The following KLHL20 variants were observed in gnomAD, a reference collection of about 807,000 sequenced individuals.
KLHL20 encodes kelch-like protein 20.
Under a neutral mutation model 69.5 loss-of-function variants are expected in KLHL20, and 29 were observed. The ratio of observed to expected loss-of-function variants is 0.42; its 90% confidence interval spans 0.31 to 0.57. The LOEUF is 0.57. KLHL20 is among the 20% of genes least tolerant of loss of function. The pLI is 0.18. For synonymous variants in KLHL20, 253 were observed against 265.2 expected, an observed-to-expected ratio of 0.95 and a Z score of 0.45; for missense variants, 419 against 776.0, an observed-to-expected ratio of 0.54 and a Z score of 5.47.
chr1:173,724,188 T>C (rs995963805), intron 2 of KLHL20, among the ~76,000 whole-genome samples: 13 of 151,642 alleles, frequency 8.6e-5, no homozygotes, highest in Non-Finnish European at 1.5e-4. Context: ...TTTTTTTTTT[T>C]TAGAGATGGG....
chr1:173,735,291 C>G (rs1048676460), intron 3 of KLHL20, among the ~76,000 whole-genome samples: 15 of 151,914 alleles, frequency 9.9e-5, no homozygotes, highest in East Asian at 3.9e-4. Flanking sequence ...ACAAAAAATA[C>G]AAAAATTAGT....
chr1:173,736,195 C>A (rs907806122), intron 3 of KLHL20, among the ~76,000 whole-genome samples: 3 of 152,048 alleles, frequency 2.0e-5, no homozygotes, highest in African/African-American at 7.3e-5. Context: ...GATCTGTGAT[C>A]TGCTTGCCTC....
In KLHL20 at chr1:173,716,066, G is replaced by A; in HGVS notation, c.23G>A (p.Arg8Lys). 6.2e-7 allele frequency: 1 copy of A among 1,613,522 alleles called. No homozygotes were observed. Among genetic ancestry groups the A allele is most frequent in the Non-Finnish European group, 8.5e-7 (1 of 1,179,656 alleles). MEGKPMR[R>K]CTNIRPGETG... The stretch of plus-strand genomic sequence containing the variant: ...TGCATGGAAGGAAAGCCAATGCGCA[G>A]GTAGGCATTTAGGAAGAAAACCTTT... The change falls in exon 2 of 12, where the codon AGG becomes AAG. Residue 8 changes from arginine to lysine, a missense_variant and splice_region_variant. Transcript: ENST00000209884.
chr1:173,751,968 T>C (rs1464366110), intron 4 of KLHL20, 46 bp downstream of exon 4: 2 of 1,577,398 alleles, frequency 1.3e-6, no homozygotes, highest in Non-Finnish European at 1.7e-6. Flanking sequence ...CCGGGCATGG[T>C]GGCTCATGAC....
intron 7 of KLHL20, among the ~76,000 whole-genome samples, chr1:173,758,506 G>A (rs543827412): frequency 1.2e-4 from 19 of 152,224 alleles, no homozygotes; most frequent in Admixed American, 8.5e-4. Context: ...TGAAGAAAGC[G>A]GACTGCTCCT....
intron 2 of KLHL20, among the ~76,000 whole-genome samples, chr1:173,727,788 G>A (rs1672050575): frequency 6.6e-6 from 1 of 152,150 alleles, no homozygotes; most frequent in African/African-American, 2.4e-5. Context: ...ACCAGCCACT[G>A]CAAAAACATG....
At chr1:173,728,469 C>A (rs1484313953) in intron 2 of KLHL20, among the ~76,000 whole-genome samples, 4 of 152,170 alleles carry the variant, frequency 2.6e-5, no homozygotes, top group Non-Finnish European at 5.9e-5. Context: ...CACACCCATT[C>A]CAAAACTGAC....
At chr1:173,742,518 CAG>C (rs1194209756) in intron 3 of KLHL20, among the ~76,000 whole-genome samples, 2 of 151,628 alleles carry the variant, frequency 1.3e-5, no homozygotes, top group African/African-American at 2.4e-5. Flanking sequence ...GCAATGGTAA[CAG>C]GGAATATTTA....
At chr1:173,773,942 G>C (rs908569646) in intron 8 of KLHL20, among the ~76,000 whole-genome samples, 2 of 150,610 alleles carry the variant, frequency 1.3e-5, no homozygotes, top group Non-Finnish European at 2.9e-5. Context: ...GAACCCAGGA[G>C]GCGGAGCTTG....
At chr1:173,782,282 G>C in intron 11 of KLHL20, 52 bp downstream of exon 11, 1 of 1,356,226 alleles carries the variant, frequency 7.4e-7, no homozygotes, top group Non-Finnish European at 1.1e-6. Context: ...TGGAAATCAT[G>C]GGCTTGAAAT....
chr1:173,758,694 G>T (rs976792919), intron 7 of KLHL20, among the ~76,000 whole-genome samples: 2 of 152,190 alleles, frequency 1.3e-5, no homozygotes, highest in African/African-American at 4.8e-5. Context: ...AAATAACAGG[G>T]GTAGAGGAAG....
chr1:173,762,167 A>G (rs987608254), intron 7 of KLHL20, among the ~76,000 whole-genome samples: 3 of 152,154 alleles, frequency 2.0e-5, no homozygotes, highest in Non-Finnish European at 2.9e-5. Flanking sequence ...CCTATCTTAA[A>G]TCAGGAAGAA....
chr1:173,780,992 T>A (rs545879642), intron 10 of KLHL20, among the ~76,000 whole-genome samples: 3 of 119,406 alleles, frequency 2.5e-5, no homozygotes, highest in African/African-American at 9.7e-5. Flanking sequence ...ACCCTGTGAG[T>A]GAGAGAGAGA....
chr1:173,731,830 G>A (rs913231526), intron 2 of KLHL20, among the ~76,000 whole-genome samples: 13 of 151,838 alleles, frequency 8.6e-5, no homozygotes, highest in African/African-American at 2.7e-4. Flanking sequence ...AAACCTGCAC[G>A]TTGTGCACAT....
rs140621195 is a variant in KLHL20, at chr1:173,785,736, C to G, written c.*489C>G. 2.3e-4 allele frequency: 34 copies of G among 150,454 alleles called. No individual in the cohort carries two copies. The highest frequency in any genetic ancestry group is 7.6e-4 in the African/African-American group (31 of 41,052). 9.3% of individuals were successfully genotyped at this position (150,454 alleles called of 1,614,324 possible). A position where few individuals can be genotyped will look rare whatever the true frequency, so the allele number is the denominator to read the frequency against. On this transcript the variant is annotated 3_prime_UTR_variant, in exon 12 of 12. Coordinates refer to ENST00000209884, the MANE Select transcript of KLHL20 (RefSeq NM_014458.4). ...TATTCTCGCACTAACCACCAGAAGA[C>G]TTGAAAATCTTAAAAAAAAAAAACA...
intron 10 of KLHL20, among the ~76,000 whole-genome samples, chr1:173,778,436 C>T (rs889783651): frequency 1.3e-5 from 2 of 152,136 alleles, no homozygotes; most frequent in Admixed American, 6.6e-5. Context: ...TCAAGCCTTC[C>T]TTCCACCTCA....
chr1:173,762,808 T>C (rs1489652730), intron 7 of KLHL20, among the ~76,000 whole-genome samples: 2 of 152,078 alleles, frequency 1.3e-5, no homozygotes, highest in African/African-American at 2.4e-5. Flanking sequence ...CCTGTGAGCA[T>C]GGGGTAAAAG....
At chr1:173,773,833 G>A (rs1012597210) in intron 8 of KLHL20, among the ~76,000 whole-genome samples, 5 of 151,954 alleles carry the variant, frequency 3.3e-5, no homozygotes, top group Non-Finnish European at 7.4e-5. Context: ...CTAACATGGC[G>A]AAACCCCATC....
At chr1:173,768,949 C>T (rs1297865372) in intron 8 of KLHL20, among the ~76,000 whole-genome samples, 9 of 152,094 alleles carry the variant, frequency 5.9e-5, no homozygotes, top group Non-Finnish European at 8.8e-5. Context: ...AACAAAAGAA[C>T]CTCAAACTAG....
Sources: gnomAD v4.1 joint callset for allele counts (sites outside exome capture counted in the v4.1 genomes callset) on GRCh38, gnomAD v4.1.1 for gene constraint, MANE v1.5 for transcripts, NCBI Gene and HGNC (gene_info 2026-07-23, HGNC 2026-07-21) for gene names.